Variants in ZNF827 observed in about 807,000 individuals in gnomAD.
ZNF827 encodes the protein zinc finger protein 827.
Under a neutral mutation model 102.4 loss-of-function variants are expected in ZNF827, and 13 were observed. That is an observed-to-expected ratio of 0.13 (90% CI 0.08 to 0.20). ZNF827 has a LOEUF of 0.20. Among genes scored for constraint, ZNF827 ranks in the 10% least tolerant of loss-of-function variants. The pLI is 1.00. For missense variants in ZNF827, 1,103 were observed against 1,344.4 expected (o/e 0.82, Z 2.81); for synonymous variants, 523 against 536.2 (o/e 0.98, Z 0.34).
chr4:145,888,431 C>T (rs917753343), intron 3 of ZNF827, among the ~76,000 whole-genome samples: 1 of 152,226 alleles, frequency 6.6e-6, no homozygotes, highest in African/African-American at 2.4e-5. Context: ...TAGGGGCTCA[C>T]CTATCCTCTG....
chr4:145,847,278 GCACA>G (rs993571357), intron 6 of ZNF827, among the ~76,000 whole-genome samples: 3 of 152,262 alleles, frequency 2.0e-5, no homozygotes, highest in Admixed American at 6.5e-5. Flanking sequence ...ACATACACAT[GCACA>G]CACACATAGA....
At chr4:145,865,122 G>A (rs1241532936) in intron 5 of ZNF827, among the ~76,000 whole-genome samples, 5 of 152,142 alleles carry the variant, frequency 3.3e-5, no homozygotes. Flanking sequence ...CTAAATGAAA[G>A]CCAACATTGC....
rs1187619848 is a variant in ZNF827 at position 145,886,097 on chromosome 4, G to A, written c.1328C>T (p.Ser443Leu). Reference protein sequence around the residue: ...FQCQLCPFTSSRHFSLKLHMR... With the variant: ...FQCQLCPFTSLRHFSLKLHMR... ...GTGGAGTTTCAGGCTGAAGTGGCGT[G>A]AGGAAGTAAAAGGGCACAGCTGGCA... Residue 443 changes from serine (S) to leucine (L), a missense_variant, in exon 4 of 15, where the codon TCA becomes TTA. Coordinates refer to ENST00000508784, the MANE Select transcript of ZNF827 (RefSeq NM_001306215.2). The A allele has an allele frequency of 6.2e-7, 1 of 1,613,780 alleles. No homozygotes were observed. The highest frequency in any genetic ancestry group is 8.5e-7 in the Non-Finnish European group (1 of 1,179,816).
chr4:145,779,337 G>C (rs749630909), intron 9 of ZNF827, 37 bp downstream of exon 9: 1 of 1,605,272 alleles, frequency 6.2e-7, no homozygotes, highest in Non-Finnish European at 8.5e-7. Flanking sequence ...TGGTGATGGA[G>C]CATAGAGGGC....
rs138669781 is a variant in ZNF827 at position 145,891,381 on chromosome 4, A to G, written c.1266+862T>C. Among the ~76,000 whole-genome samples the G allele has an allele frequency of 3.0e-3, 455 of 152,356 alleles. 3 individuals are homozygous for G. The highest frequency in any genetic ancestry group is 1.0e-2 in the African/African-American group (414 of 41,576). On this transcript the variant is annotated intron_variant, in intron 3 of 14. Coordinates refer to ENST00000508784, the MANE Select transcript of ZNF827 (RefSeq NM_001306215.2). ...ATAAGATTTCAATTCAGGTCTATCAAATTCAAAAGCCCATGCTCTTTTGAT... is the reference window on the plus strand; with the variant it reads ...ATAAGATTTCAATTCAGGTCTATCAGATTCAAAAGCCCATGCTCTTTTGAT...
intron 7 of ZNF827, among the ~76,000 whole-genome samples, chr4:145,836,755 C>T (rs1454715776): frequency 1.3e-5 from 2 of 151,932 alleles, no homozygotes; most frequent in African/African-American, 4.8e-5. Flanking sequence ...CAGGCCTAAT[C>T]GCCACACACC....
intron 8 of ZNF827, among the ~76,000 whole-genome samples, chr4:145,792,736 C>T (rs1461853282): frequency 6.6e-6 from 1 of 151,868 alleles, no homozygotes; most frequent in Non-Finnish European, 1.5e-5. Context: ...TAATTCAACT[C>T]CAAAGTAGTT....
At chr4:145,870,110 C>G in intron 5 of ZNF827, 135 bp downstream of exon 5, 1 of 823,754 alleles carries the variant, frequency 1.2e-6, no homozygotes, top group South Asian at 1.8e-5. Flanking sequence ...GCCAAGTAAT[C>G]TGATCGTTCT....
intron 8 of ZNF827, among the ~76,000 whole-genome samples, chr4:145,783,276 G>A (rs1188312138): frequency 1.3e-5 from 2 of 152,188 alleles, no homozygotes; most frequent in African/African-American, 4.8e-5. Flanking sequence ...GAATAAAAGG[G>A]TCCAAGTGAG....
At chr4:145,846,936 C>T (rs186460287) in intron 6 of ZNF827, among the ~76,000 whole-genome samples, 44 of 139,504 alleles carry the variant, frequency 3.2e-4, no homozygotes, top group South Asian at 4.6e-4. Flanking sequence ...GGTGGATCAC[C>T]TGAGGTCAGG....
intron 8 of ZNF827, among the ~76,000 whole-genome samples, chr4:145,805,125 TTG>T (rs35536912): frequency 0.02 from 2,981 of 148,312 alleles, 39 homozygotes; most frequent in East Asian, 0.043. Flanking sequence ...GCAATTCCTT[TTG>T]TGTGTGTGTG....
chr4:145,910,340 C>A (rs62326185), intron 1 of ZNF827, among the ~76,000 whole-genome samples: 1 of 152,112 alleles, frequency 6.6e-6, no homozygotes, highest in Admixed American at 6.5e-5. Context: ...CTTCCATGGC[C>A]GAGGAACTGC....
intron 8 of ZNF827, chr4:145,819,712 C>T (rs779549519): frequency 5.3e-5 from 8 of 152,270 alleles, no homozygotes; most frequent in Admixed American, 1.3e-4. Context: ...CTATTTATGG[C>T]TCTAAGGATA....
In ZNF827 at chr4:145,757,635, AC is replaced by A. The variant is rs1361553426; in HGVS notation, c.*3980del. 1 of 150,354 alleles carries A rather than the reference AC, an allele frequency of 6.7e-6. No homozygotes were observed. Among genetic ancestry groups the A allele is most frequent in the Non-Finnish European group, 1.5e-5 (1 of 67,940 alleles). 9.3% of individuals were successfully genotyped at this position (150,354 alleles called of 1,614,324 possible). A position where few individuals can be genotyped will look rare whatever the true frequency, so the allele number is the denominator to read the frequency against. ...AGAAAAAGAAACAAGAGTATAGCCAACCTTTTTTTTTTTTTAATTAGAGTAT... is the reference window on the plus strand; with the variant it reads ...AGAAAAAGAAACAAGAGTATAGCCAACTTTTTTTTTTTTTAATTAGAGTAT... On this transcript the variant is annotated 3_prime_UTR_variant, in exon 15 of 15. Transcript: ENST00000508784.
At chr4:145,870,528 C>A (rs1748592856) in intron 4 of ZNF827, 50 bp from the exon 5 acceptor site, 1 of 1,483,414 alleles carries the variant, frequency 6.7e-7, no homozygotes. Context: ...CCACTCCCCT[C>A]CTTAGCTGCC....
intron 4 of ZNF827, among the ~76,000 whole-genome samples, chr4:145,882,342 T>C (rs993703283): frequency 6.6e-6 from 1 of 152,212 alleles, no homozygotes; most frequent in Admixed American, 6.5e-5. Flanking sequence ...AAGCTGCCCA[T>C]ACTATTCCCT....
intron 7 of ZNF827, among the ~76,000 whole-genome samples, chr4:145,838,872 T>C (rs1745142798): frequency 1.3e-5 from 2 of 152,184 alleles, no homozygotes; most frequent in African/African-American, 4.8e-5. Context: ...AAAACAACCA[T>C]TAAATTTTAC....
intron 1 of ZNF827, among the ~76,000 whole-genome samples, chr4:145,918,711 C>A (rs71614564): frequency 0.015 from 2,278 of 152,208 alleles, 24 homozygotes; most frequent in Non-Finnish European, 0.025. Context: ...TATGGACCCA[C>A]CCCCAGCTCT....
At chr4:145,885,016 A>G (rs1749989415) in intron 4 of ZNF827, among the ~76,000 whole-genome samples, 1 of 152,074 alleles carries the variant, frequency 6.6e-6, no homozygotes, top group Non-Finnish European at 1.5e-5. Context: ...AGTTCTGGAG[A>G]TGGATGGGGG....
Sources: gnomAD v4.1 joint callset for allele counts (sites outside exome capture counted in the v4.1 genomes callset) on GRCh38, gnomAD v4.1.1 for gene constraint, MANE v1.5 for transcripts, NCBI Gene and HGNC (gene_info 2026-07-23, HGNC 2026-07-21) for gene names.